The following PCDHGA9 variants were observed in gnomAD, a reference collection of about 807,000 sequenced individuals.
PCDHGA9 encodes protocadherin gamma subfamily A, 9.
In PCDHGA9, 37 loss-of-function variants were observed where a neutral mutation model predicts 62.5. The observed-to-expected ratio is 0.59, with a 90% confidence interval of 0.46 to 0.78. PCDHGA9 has a LOEUF of 0.78. Among genes scored for constraint, PCDHGA9 ranks in the 30% least tolerant of loss-of-function variants. The probability of loss-of-function intolerance (pLI) is 0.00; values close to 1 mark genes in which losing one functional copy is unlikely to be tolerated. For synonymous variants in PCDHGA9, 459 were observed against 484.6 expected (o/e 0.95, Z 0.69); for missense variants, 1,138 against 1,166.2 (o/e 0.98, Z 0.35).
At chr5:141,495,274 G>A (rs1396412578) in intron 2 of PCDHGA9, among the ~76,000 whole-genome samples, 1 of 152,190 alleles carries the variant, frequency 6.6e-6, no homozygotes, top group Non-Finnish European at 1.5e-5. Context: ...TTGACCGGAG[G>A]AGGCGGTCCG....
rs1367554344 is a variant in PCDHGA9 at position 141,403,021 on chromosome 5, A to G, written c.69A>G (p.Leu23=). The change falls in exon 1 of 4, where the codon CTA becomes CTG. Residue 23 remains leucine (L), a synonymous_variant. Transcript: ENST00000573521. The part of the protein sequence containing the change: ...LVLLCSLLGM[L]WEARASQIRY... ...TGCTATGCTCGCTCCTGGGGATGCT[A>G]TGGGAGGCCAGGGCCAGTCAGATTC... The G allele has an allele frequency of 1.2e-6, 2 of 1,613,944 alleles. No individual in the cohort carries two copies. Among genetic ancestry groups the G allele is most frequent in the African/African-American group, 1.3e-5 (1 of 74,946 alleles).
At chr5:141,484,176 A>G (rs1044076131) in intron 1 of PCDHGA9, among the ~76,000 whole-genome samples, 1 of 152,236 alleles carries the variant, frequency 6.6e-6, no homozygotes, top group East Asian at 1.9e-4. Context: ...GCTGATCTCA[A>G]TCATTCAAGG....
Position 141,487,781 on chromosome 5 carries a change from G to T in PCDHGA9, c.2425-7026G>T. ...AGACGCTGTGCTTTGTAACTGTTTC[G>T]TGAATTAACCAGAGTTGTCACAGTT... On this transcript the variant is annotated intron_variant, in intron 1 of 3. Transcript: ENST00000573521. This position sits in a 1 kb window ranked among gnomAD's most constrained non-coding sequence, Gnocchi z 5.0. 2 of 1,526,850 alleles carry T rather than the reference G, an allele frequency of 1.3e-6. No homozygotes were observed. The highest frequency in any genetic ancestry group is 8.8e-7 in the Non-Finnish European group (1 of 1,130,880). The allele number at this position is 1,526,850 out of a possible 1,614,324, so 94.6% of individuals were successfully genotyped here. A position where few individuals can be genotyped will look rare whatever the true frequency, so the allele number is the denominator to read the frequency against.
chr5:141,430,915 G>T, intron 1 of PCDHGA9: 1 of 1,607,738 alleles, frequency 6.2e-7, no homozygotes, highest in East Asian at 2.2e-5. Flanking sequence ...CCAGGGACCT[G>T]GGGCTGGAGC....
At chr5:141,427,327 C>T (rs2097016376) in intron 1 of PCDHGA9, 1 of 457,028 alleles carries the variant, frequency 2.2e-6, no homozygotes, top group African/African-American at 2.0e-5. Flanking sequence ...GTGGTTTTTA[C>T]TTCAGTGTCC....
intron 1 of PCDHGA9, chr5:141,427,900 C>T (rs1351712272): frequency 2.5e-6 from 4 of 1,571,732 alleles, no homozygotes; most frequent in Non-Finnish European, 3.5e-6. Flanking sequence ...GGCTCGCCCG[C>T]GCTCAGCGCC....
At chr5:141,456,312 G>A (rs1036961015) in intron 1 of PCDHGA9, among the ~76,000 whole-genome samples, 2 of 152,126 alleles carry the variant, frequency 1.3e-5, no homozygotes, top group African/African-American at 4.8e-5. Flanking sequence ...AGCAGCTAGG[G>A]CTCCTCCTGG....
chr5:141,422,027 C>A, intron 1 of PCDHGA9: 1 of 1,610,650 alleles, frequency 6.2e-7, no homozygotes, highest in Non-Finnish European at 8.5e-7. Context: ...ATGGTTAATG[C>A]AACGGATCCA....
intron 1 of PCDHGA9, chr5:141,478,484 C>T (rs376021397): frequency 6.2e-7 from 1 of 1,613,458 alleles, no homozygotes; most frequent in South Asian, 1.1e-5. Flanking sequence ...GAACACGCTG[C>T]GGAGCTGTGA....
intron 2 of PCDHGA9, among the ~76,000 whole-genome samples, chr5:141,496,703 GT>G (rs1360916053): frequency 6.6e-6 from 1 of 152,132 alleles, no homozygotes; most frequent in East Asian, 1.9e-4. Context: ...CTTCTCATAA[GT>G]TATCCATTAA....
At chr5:141,452,377 A>G (rs2098740152) in intron 1 of PCDHGA9, among the ~76,000 whole-genome samples, 1 of 152,222 alleles carries the variant, frequency 6.6e-6, no homozygotes, top group African/African-American at 2.4e-5. Flanking sequence ...TTAGTAGGGA[A>G]TAGTATTTAG....
intron 3 of PCDHGA9, among the ~76,000 whole-genome samples, chr5:141,505,942 G>A (rs2099849309): frequency 6.6e-6 from 1 of 152,192 alleles, no homozygotes; most frequent in African/African-American, 2.4e-5. Flanking sequence ...AAGCCCTCAA[G>A]CAATGAAAGT....
intron 1 of PCDHGA9, chr5:141,414,991 G>T (rs1162432290): frequency 1.9e-6 from 3 of 1,613,766 alleles, no homozygotes; most frequent in Non-Finnish European, 1.7e-6. Flanking sequence ...CGGCCAGAAC[G>T]CCTGGCTGTC....
chr5:141,474,188 T>C (rs1203777014), intron 1 of PCDHGA9, among the ~76,000 whole-genome samples: 1 of 152,216 alleles, frequency 6.6e-6, no homozygotes, highest in Non-Finnish European at 1.5e-5. Context: ...CTACTTACAT[T>C]TTTAAAAGCT....
At chr5:141,465,880 TG>T (rs2154569018) in intron 1 of PCDHGA9, among the ~76,000 whole-genome samples, 1 of 152,096 alleles carries the variant, frequency 6.6e-6, no homozygotes, top group East Asian at 1.9e-4. Context: ...CCCAGCACTT[TG>T]GGAGGCCGAG....
At chr5:141,418,185 T>C in intron 1 of PCDHGA9, 1 of 1,614,058 alleles carries the variant, frequency 6.2e-7, no homozygotes, top group Non-Finnish European at 8.5e-7. Flanking sequence ...TTGGAAGCTG[T>C]GGTGGAAAAT....
intron 1 of PCDHGA9, chr5:141,410,797 C>T: frequency 3.0e-6 from 2 of 675,992 alleles, no homozygotes; most frequent in South Asian, 3.2e-5. Flanking sequence ...TCATAAGTTG[C>T]TCTATCTTTT....
rs139832920 is a variant in PCDHGA9, at chr5:141,432,866, G to T, written c.2424+27490G>T. On this transcript the variant is annotated intron_variant, in intron 1 of 3. Coordinates refer to ENST00000573521, the MANE Select transcript of PCDHGA9 (RefSeq NM_018921.3). This position sits in a 1 kb window ranked among gnomAD's most constrained non-coding sequence, Gnocchi z 6.0. ...GGTAGCGGTGGCCGCGGTCTCCTGC[G>T]TCTTCCTGGCCTTCGTCATCTTGCT... The T allele has an allele frequency of 1.9e-6, 3 of 1,614,034 alleles. No individual in the cohort carries two copies. The African/African-American group carries it at 4.0e-5, about 22-fold the overall frequency.
At position 141,490,745 on chromosome 5, in the gene PCDHGA9, C is replaced by A. The variant is rs769031787; in HGVS notation, c.2425-4062C>A. 1 of 1,614,238 alleles carries A rather than the reference C, an allele frequency of 6.2e-7. No homozygotes were observed. Among genetic ancestry groups the A allele is most frequent in the Non-Finnish European group, 8.5e-7 (1 of 1,180,042 alleles). ...GTAGGAAATCAGGTTCAGGGAGCCCCAGCCTCCTCCTTTGTGTATGTCAAC... is the reference window on the plus strand; with the variant it reads ...GTAGGAAATCAGGTTCAGGGAGCCCAAGCCTCCTCCTTTGTGTATGTCAAC... On this transcript the variant is annotated intron_variant, in intron 1 of 3. Transcript: ENST00000573521. The surrounding 1 kb of genome is among the most constrained non-coding windows in gnomAD (Gnocchi z 5.4).
Sources: allele counts gnomAD v4.1 joint callset (sites outside exome capture counted in the v4.1 genomes callset), GRCh38; gene constraint gnomAD v4.1.1; non-coding constraint Gnocchi (gnomAD v3.1); transcripts MANE v1.5; gene names NCBI Gene and HGNC (gene_info 2026-07-23, HGNC 2026-07-21).